The following RGL1 variants were observed in gnomAD, a reference collection of about 807,000 sequenced individuals.
The protein encoded by RGL1 is ral guanine nucleotide dissociation stimulator-like 1.
RGL1 carries 24 observed loss-of-function variants against 95.2 expected under a neutral mutation model. The observed-to-expected ratio is 0.25, with a 90% CI of 0.18 to 0.35. The LOEUF is 0.35. Among genes scored for constraint, RGL1 ranks in the 10% least tolerant of loss-of-function variants. RGL1 has a pLI of 1.00. For synonymous variants in RGL1, 329 were observed against 344.9 expected, an observed-to-expected ratio of 0.95 and a Z score of 0.51; for missense variants, 715 against 936.3, an observed-to-expected ratio of 0.76 and a Z score of 3.08.
At chr1:183,837,492 G>A (rs994297607) in intron 2 of RGL1, among the ~76,000 whole-genome samples, 1 of 152,218 alleles carries the variant, frequency 6.6e-6, no homozygotes, top group East Asian at 1.9e-4. Context: ...ATTTGTATGT[G>A]ACAATTTGTG....
In RGL1 at chr1:183,822,054, T is replaced by G. The variant is rs77212504; in HGVS notation, c.138+15569T>G. Among the ~76,000 whole-genome samples, 667 of 152,300 alleles carry G rather than the reference T, an allele frequency of 4.4e-3. 6 individuals carry two copies. Among genetic ancestry groups the G allele is most frequent in the African/African-American group, 0.011 (476 of 41,562 alleles). On this transcript the variant is annotated intron_variant, in intron 2 of 17. Transcript: ENST00000360851. ...GGGGTGGTCACCAGAGCTGTACTTT[T>G]GGCTGGGTTCTAAATAAATGACACT...
chr1:183,750,205 G>A (rs1419925827), intron 2 of RGL1, among the ~76,000 whole-genome samples: 1 of 152,258 alleles, frequency 6.6e-6, no homozygotes, highest in Admixed American at 6.5e-5. Context: ...CCAATCAAAC[G>A]TAGGTTTGGT....
intron 2 of RGL1, among the ~76,000 whole-genome samples, chr1:183,826,934 C>G (rs187775920): frequency 6.7e-6 from 1 of 149,840 alleles, no homozygotes. Flanking sequence ...CTTTTCTTTT[C>G]TTTTTCGAGA....
At chr1:183,835,732 G>A (rs1006605192) in intron 2 of RGL1, among the ~76,000 whole-genome samples, 2 of 152,238 alleles carry the variant, frequency 1.3e-5, no homozygotes, top group Non-Finnish European at 2.9e-5. Context: ...AACTTTGGGT[G>A]AAAGTAGTTG....
chr1:183,698,240 A>C (rs10911417), intron 1 of RGL1, among the ~76,000 whole-genome samples: 27,358 of 152,264 alleles, frequency 0.18, 3,386 homozygotes, highest in African/African-American at 0.35. Flanking sequence ...TGGTGGGCTC[A>C]GCCCTTGCGT....
chr1:183,734,883 C>T (rs913845925), intron 1 of RGL1, among the ~76,000 whole-genome samples: 1 of 152,198 alleles, frequency 6.6e-6, no homozygotes, highest in African/African-American at 2.4e-5. Flanking sequence ...TCTCCCTTCC[C>T]CACGTCTGTC....
chr1:183,700,278 G>C (rs1285747960), intron 1 of RGL1, among the ~76,000 whole-genome samples: 1 of 152,140 alleles, frequency 6.6e-6, no homozygotes, highest in African/African-American at 2.4e-5. Context: ...TGAGTTGGTA[G>C]CACTGGATCC....
chr1:183,791,522 G>T (rs1248608670), intron 2 of RGL1, among the ~76,000 whole-genome samples: 1 of 152,266 alleles, frequency 6.6e-6, no homozygotes, highest in East Asian at 1.9e-4. Flanking sequence ...AAAACACTGT[G>T]TTTAAGCTAT....
chr1:183,777,420 G>A (rs1659658996), intron 2 of RGL1, among the ~76,000 whole-genome samples: 1 of 152,182 alleles, frequency 6.6e-6, no homozygotes, highest in South Asian at 2.1e-4. Context: ...CTTGAGTTTG[G>A]TTTGGAGAAT....
intron 15 of RGL1, among the ~76,000 whole-genome samples, chr1:183,914,449 A>G (rs1258947857): frequency 6.6e-6 from 1 of 152,116 alleles, no homozygotes; most frequent in African/African-American, 2.4e-5. Flanking sequence ...CAATCCCTGC[A>G]TATTAGCTAG....
intron 2 of RGL1, among the ~76,000 whole-genome samples, chr1:183,770,745 T>C: frequency 6.6e-6 from 1 of 152,224 alleles, no homozygotes; most frequent in East Asian, 1.9e-4. Context: ...TGTGTTGATC[T>C]GGTAAGTTTC....
At chr1:183,833,365 T>C (rs1663395390) in intron 2 of RGL1, among the ~76,000 whole-genome samples, 1 of 152,194 alleles carries the variant, frequency 6.6e-6, no homozygotes, top group Non-Finnish European at 1.5e-5. Flanking sequence ...AAGCATAGTA[T>C]AGCTCAAAGG....
At chr1:183,814,644 T>C (rs914432451) in intron 2 of RGL1, among the ~76,000 whole-genome samples, 4 of 152,210 alleles carry the variant, frequency 2.6e-5, no homozygotes, top group African/African-American at 9.6e-5. Flanking sequence ...TTTCATCTTT[T>C]ATAAAAATGA....
intron 1 of RGL1, among the ~76,000 whole-genome samples, chr1:183,738,752 T>G (rs1272633238): frequency 6.6e-6 from 1 of 151,850 alleles, no homozygotes; most frequent in East Asian, 1.9e-4. Flanking sequence ...AATACAAAAA[T>G]TAGCTGGGCG....
chr1:183,676,943 C>A (rs1440178845), intron 1 of RGL1, among the ~76,000 whole-genome samples: 1 of 151,128 alleles, frequency 6.6e-6, no homozygotes, highest in Non-Finnish European at 1.5e-5. Context: ...CAGAAAAGGG[C>A]ATATAATAAG....
intron 4 of RGL1, among the ~76,000 whole-genome samples, chr1:183,872,931 A>T (rs185880457): frequency 2.6e-5 from 4 of 152,340 alleles, no homozygotes; most frequent in Non-Finnish European, 5.9e-5. Context: ...AATTTTTTTT[A>T]AAGTGAAACA....
chr1:183,905,837 G>T (rs1472846322), intron 13 of RGL1, among the ~76,000 whole-genome samples: 1 of 152,100 alleles, frequency 6.6e-6, no homozygotes, highest in African/African-American at 2.4e-5. Context: ...AGAATATTTT[G>T]TGACACGAAA....
At chr1:183,925,239 C>G (rs1019932822) in intron 17 of RGL1, among the ~76,000 whole-genome samples, 3 of 152,154 alleles carry the variant, frequency 2.0e-5, no homozygotes, top group Non-Finnish European at 4.4e-5. Context: ...GAGTTTTCTA[C>G]CAGCCTGTTT....
At chr1:183,670,744 G>T (rs1174675) in intron 1 of RGL1, among the ~76,000 whole-genome samples, 60,696 of 152,116 alleles carry the variant, frequency 0.4, 12,369 homozygotes, top group African/African-American at 0.48. Context: ...CAGTTTTTAC[G>T]TGATGTTAGG....
Sources: allele counts gnomAD v4.1 joint callset (sites outside exome capture counted in the v4.1 genomes callset), GRCh38; gene constraint gnomAD v4.1.1; transcripts MANE v1.5; gene names NCBI Gene and HGNC (gene_info 2026-07-23, HGNC 2026-07-21).